KLHL41: variants seen among roughly 807,000 people sequenced by gnomAD.
The protein encoded by KLHL41 is kelch-like protein 41.
Under a neutral mutation model 49.2 loss-of-function variants are expected in KLHL41, and 31 were observed. The observed-to-expected ratio is 0.63, with a 90% CI of 0.47 to 0.85. KLHL41 has a LOEUF of 0.85. Among genes scored for constraint, KLHL41 ranks in the 40% least tolerant of loss-of-function variants. The probability of loss-of-function intolerance (pLI) is 0.00; values close to 1 mark genes in which losing one functional copy is unlikely to be tolerated. For missense variants in KLHL41, 663 were observed against 726.7 expected (o/e 0.91, Z 1.01); for synonymous variants, 218 against 258.5 (o/e 0.84, Z 1.50).
intron 3 of KLHL41, among the ~76,000 whole-genome samples, chr2:169,517,401 G>A (rs1199445938): frequency 2.6e-5 from 4 of 152,170 alleles, no homozygotes; most frequent in Non-Finnish European, 4.4e-5. Context: ...TCAGGAATTC[G>A]AGACCAGCCT....
chr2:169,521,181 A>C (rs181844196), intron 5 of KLHL41, among the ~76,000 whole-genome samples, 174 bp downstream of exon 5: 32 of 152,326 alleles, frequency 2.1e-4, no homozygotes, highest in African/African-American at 6.7e-4. Flanking sequence ...TTGAACAAGT[A>C]TCTACTTCTA....
chr2:169,521,198 T>C (rs1684198239), intron 5 of KLHL41, among the ~76,000 whole-genome samples, 191 bp downstream of exon 5: 1 of 152,176 alleles, frequency 6.6e-6, no homozygotes, highest in Non-Finnish European at 1.5e-5. Flanking sequence ...TCTAGTTAGC[T>C]CTGAGCCTGA....
intron 3 of KLHL41, 33 bp from the exon 4 acceptor site, chr2:169,518,156 GT>G: frequency 6.4e-7 from 1 of 1,556,260 alleles, no homozygotes; most frequent in African/African-American, 1.4e-5. Flanking sequence ...TCAAAAAAAG[GT>G]TCTAAAAGGA....
At chr2:169,518,578 T>G (rs1684152904) in intron 4 of KLHL41, among the ~76,000 whole-genome samples, 1 of 152,240 alleles carries the variant, frequency 6.6e-6, no homozygotes, top group Non-Finnish European at 1.5e-5. Flanking sequence ...ATTATATGTC[T>G]GTAATCTGGA....
At chr2:169,520,314 G>GTGTGTGTGTT (rs1553531994) in intron 4 of KLHL41, among the ~76,000 whole-genome samples, 1 of 103,444 alleles carries the variant, frequency 9.7e-6, no homozygotes, top group Non-Finnish European at 2.1e-5. Flanking sequence ...GTGTGTGTAT[G>GTGTGTGTGTT]TGTGTGTGTG....
intron 5 of KLHL41, among the ~76,000 whole-genome samples, chr2:169,523,367 G>A (rs1684231528): frequency 6.6e-6 from 1 of 152,108 alleles, no homozygotes. Flanking sequence ...CAATTTAATT[G>A]GTCTGAAGTA....
Position 169,510,787 on chromosome 2 carries a change from C to A in KLHL41, c.1009C>A (p.His337Asn), listed in dbSNP as rs1402907805. 2 of 1,614,136 alleles carry A rather than the reference C, an allele frequency of 1.2e-6. No individual in the cohort carries two copies. Among genetic ancestry groups the A allele is most frequent in the Non-Finnish European group, 1.7e-6 (2 of 1,180,036 alleles). The change falls in exon 1 of 6, where the codon CAT becomes AAT. Residue 337 changes from histidine (H) to asparagine (N), a missense_variant. This residue lies in a region of KLHL41 where 528 missense variants were observed against 581.0 expected (regional missense o/e 0.91). Coordinates refer to ENST00000284669, the MANE Select transcript of KLHL41 (RefSeq NM_006063.3). This position sits in a 1 kb window ranked among gnomAD's most constrained non-coding sequence, Gnocchi z 4.2. ...TALAEQIPRNHSSIVTQQNQI... is the reference protein window; with the variant it reads ...TALAEQIPRNNSSIVTQQNQI... ...ACTGGCTGAGCAGATTCCCAGAAAT[C>A]ATTCCAGCATTGTTACCCAGCAAAA... is the stretch of plus-strand genomic sequence containing the variant.
chr2:169,513,072 A>G, intron 1 of KLHL41, among the ~76,000 whole-genome samples: 1 of 152,168 alleles, frequency 6.6e-6, no homozygotes, highest in East Asian at 1.9e-4. Context: ...CTACTGTTCC[A>G]TCTGCTAGAG....
At chr2:169,516,448 T>G (rs527295516) in intron 3 of KLHL41, among the ~76,000 whole-genome samples, 2 of 152,330 alleles carry the variant, frequency 1.3e-5, no homozygotes, top group Admixed American at 1.3e-4. Context: ...GTATATTATA[T>G]GCTTACCTGG....
Position 169,509,880 on chromosome 2 carries a change from T to C in KLHL41, c.102T>C (p.Asp34=), listed in dbSNP as rs748591565. The change falls in exon 1 of 6, where the codon GAT becomes GAC. Residue 34 remains aspartate (D), a synonymous_variant. Coordinates refer to ENST00000284669, the MANE Select transcript of KLHL41 (RefSeq NM_006063.3). The part of the protein sequence containing the change: ...KDLLDEKKFI[D]CTLKAGDKSL... ...TCCTGGATGAGAAAAAATTCATCGA[T>C]TGCACCCTAAAAGCAGGTGACAAAA... 5 of 1,614,190 alleles carry C rather than the reference T, an allele frequency of 3.1e-6. No homozygotes were observed. In the Admixed American group the frequency reaches 8.3e-5, roughly 27 times the overall value.
rs1293905460 is a variant in KLHL41 at position 169,526,135 on chromosome 2, A to T, written c.*439A>T. 6.6e-6 allele frequency: 1 copy of T among 152,592 alleles called. No homozygotes were observed. Among genetic ancestry groups the T allele is most frequent in the African/African-American group, 2.4e-5 (1 of 41,440 alleles). The allele number at this position is 152,592 out of a possible 1,614,324, so 9.5% of individuals were successfully genotyped here. ...CTTCAAAATGACAGGAATCCTGTGC[A>T]TTATACTAAGAATTACATGCCATAA... On this transcript the variant is annotated 3_prime_UTR_variant, in exon 6 of 6. Transcript: ENST00000284669.
chr2:169,513,409 A>T (rs1027976639), intron 1 of KLHL41, among the ~76,000 whole-genome samples: 1 of 152,238 alleles, frequency 6.6e-6, no homozygotes, highest in Non-Finnish European at 1.5e-5. Flanking sequence ...TATTATTTCT[A>T]CTATATTACA....
chr2:169,512,614 C>T (rs1486579382), intron 1 of KLHL41, among the ~76,000 whole-genome samples: 1 of 152,046 alleles, frequency 6.6e-6, no homozygotes, highest in Non-Finnish European at 1.5e-5. Context: ...ACTTAATGTT[C>T]TGTATAACAG....
At chr2:169,520,314 G>GTGTGTGTGTGTA (rs1553531990) in intron 4 of KLHL41, among the ~76,000 whole-genome samples, 2,161 of 103,464 alleles carry the variant, frequency 0.021, 192 homozygotes, top group East Asian at 0.053. Context: ...GTGTGTGTAT[G>GTGTGTGTGTGTA]TGTGTGTGTG....
intron 5 of KLHL41, among the ~76,000 whole-genome samples, chr2:169,521,987 C>T (rs1437999241): frequency 1.4e-5 from 2 of 147,658 alleles, no homozygotes; most frequent in East Asian, 2.0e-4. Context: ...AGCTACAGAG[C>T]GAGTCTTAAA....
chr2:169,519,651 C>CATTTTTTT (rs1553531868), intron 4 of KLHL41, among the ~76,000 whole-genome samples: 1 of 138,482 alleles, frequency 7.2e-6, no homozygotes, highest in African/African-American at 2.7e-5. Flanking sequence ...TTTTCTCAAA[C>CATTTTTTT]TTTTTTTTTT....
intron 5 of KLHL41, among the ~76,000 whole-genome samples, chr2:169,522,704 G>GTTT (rs1684220321): frequency 1.1e-5 from 1 of 87,794 alleles, no homozygotes; most frequent in African/African-American, 4.2e-5. Context: ...CCTTCCCAGT[G>GTTT]ATTTTTTTTT....
Position 169,520,935 on chromosome 2 carries a change from CA to C in KLHL41, c.1639del (p.Ile547LeufsTer6), listed in dbSNP as rs1400309316. On this transcript the variant is annotated frameshift_variant, in exon 5 of 6. Coordinates refer to ENST00000284669, the MANE Select transcript of KLHL41 (RefSeq NM_006063.3). LOFTEE classifies it high-confidence loss of function. ...SLVSLAGSLY[A>X]IGGFAMIQLE... ...GTCAGCCTGGCTGGATCTCTGTATG[CA>C]ATTGGTGGTTTTGCTATGATTCAAC... 1 of 1,613,692 alleles carries C rather than the reference CA, an allele frequency of 6.2e-7. No individual in the cohort carries two copies. The highest frequency in any genetic ancestry group is 1.7e-5 in the Admixed American group (1 of 60,014).
intron 4 of KLHL41, 105 bp downstream of exon 4, chr2:169,518,480 G>C: frequency 1.3e-6 from 1 of 783,724 alleles, no homozygotes; most frequent in Admixed American, 2.9e-5. Flanking sequence ...GGAGGGGAGG[G>C]TACAGAGCCA....
Sources: allele counts gnomAD v4.1 joint callset (sites outside exome capture counted in the v4.1 genomes callset), GRCh38; gene constraint gnomAD v4.1.1; regional missense constraint gnomAD v4.1.1; non-coding constraint Gnocchi (gnomAD v3.1); transcripts MANE v1.5; gene names NCBI Gene and HGNC (gene_info 2026-07-23, HGNC 2026-07-21).